Variants in MRPL42 observed in about 807,000 individuals in gnomAD.
MRPL42 encodes large ribosomal subunit protein mL42.
In MRPL42, 17 loss-of-function variants were observed where a neutral mutation model predicts 17.9. The observed-to-expected ratio is 0.95, with a 90% CI of 0.65 to 1.42. MRPL42 has a LOEUF of 1.42. MRPL42 is among the 40% of genes most tolerant of loss of function. The probability of loss-of-function intolerance (pLI) is 0.00; values close to 1 mark genes in which losing one functional copy is unlikely to be tolerated. For synonymous variants in MRPL42, 59 were observed against 54.4 expected (o/e 1.08, Z -0.37); for missense variants, 177 against 175.2 (o/e 1.01, Z -0.06).
At chr12:93,489,515 T>C (rs1438231082) in intron 5 of MRPL42, among the ~76,000 whole-genome samples, 3 of 121,744 alleles carry the variant, frequency 2.5e-5, no homozygotes, top group Non-Finnish European at 5.4e-5. Context: ...CCTTCCTTGA[T>C]TTTTCCTTCT....
At chr12:93,484,583 A>G (rs1419578166) in intron 4 of MRPL42, among the ~76,000 whole-genome samples, 1 of 151,802 alleles carries the variant, frequency 6.6e-6, no homozygotes, top group East Asian at 1.9e-4. Flanking sequence ...GTCCTTCATC[A>G]CTGTACATTG....
At chr12:93,483,882 A>G (rs145297935) in intron 4 of MRPL42, among the ~76,000 whole-genome samples, 92 of 152,300 alleles carry the variant, frequency 6.0e-4, no homozygotes, top group East Asian at 2.3e-3. Flanking sequence ...TTTTCTTTAT[A>G]TCCTTATTCT....
In MRPL42 at chr12:93,510,983, A is replaced by C. The variant is rs1953720548; in HGVS notation, c.*9762A>C. ...CTTTAACACCATGTTATGGATGGCA[A>C]AATAACTTCACTGGCTTTTTTTATC... On this transcript the variant is annotated 3_prime_UTR_variant, in exon 6 of 6. Coordinates refer to ENST00000549982, the MANE Select transcript of MRPL42 (RefSeq NM_014050.4). The C allele has an allele frequency of 6.6e-6, 1 of 152,200 alleles. No homozygotes were observed. The highest frequency in any genetic ancestry group is 2.4e-5 in the African/African-American group (1 of 41,444). The allele number at this position is 152,200 out of a possible 1,614,324, so 9.4% of individuals were successfully genotyped here. A position where few individuals can be genotyped will look rare whatever the true frequency, so the allele number is the denominator to read the frequency against.
chr12:93,496,299 T>C (rs925887650), intron 5 of MRPL42, among the ~76,000 whole-genome samples: 6 of 152,016 alleles, frequency 3.9e-5, no homozygotes, highest in South Asian at 2.1e-4. Flanking sequence ...CCTCAAGCGA[T>C]CCACCCACCT....
At chr12:93,490,236 T>C (rs1953387358) in intron 5 of MRPL42, among the ~76,000 whole-genome samples, 1 of 152,230 alleles carries the variant, frequency 6.6e-6, no homozygotes, top group Non-Finnish European at 1.5e-5. Context: ...CATGTTGTCT[T>C]TAGACATTTG....
intron 4 of MRPL42, among the ~76,000 whole-genome samples, chr12:93,482,554 C>A (rs1324985280): frequency 1.3e-5 from 2 of 152,026 alleles, no homozygotes; most frequent in Admixed American, 6.6e-5. Context: ...TGTTTTAGGG[C>A]TAAGAGACAT....
In MRPL42 at chr12:93,506,517, C is replaced by G. The variant is rs7315868; in HGVS notation, c.*5296C>G. 0.67 allele frequency: 101,932 copies of G among 151,848 alleles called. 34,447 individuals are homozygous for G. The highest frequency in any genetic ancestry group is 0.72 in the Middle Eastern group (213 of 296). The allele number at this position is 151,848 out of a possible 1,614,324, so 9.4% of individuals were successfully genotyped here. On this transcript the variant is annotated 3_prime_UTR_variant, in exon 6 of 6. Coordinates refer to ENST00000549982, the MANE Select transcript of MRPL42 (RefSeq NM_014050.4). Reference sequence around the variant, plus strand: ...TGACCTCAGGTGATCCACCTGCTTTCGCCTCCTGAAGTGCTGGGATTACAG... The same window carrying G: ...TGACCTCAGGTGATCCACCTGCTTTGGCCTCCTGAAGTGCTGGGATTACAG...
intron 1 of MRPL42, among the ~76,000 whole-genome samples, chr12:93,467,979 C>T (rs906858320): frequency 3.3e-4 from 50 of 152,146 alleles, no homozygotes; most frequent in African/African-American, 1.2e-3. Flanking sequence ...GGGCTTCGGA[C>T]AGAGGGGACC....
chr12:93,475,147 C>CA (rs1480412199), intron 2 of MRPL42, among the ~76,000 whole-genome samples: 3 of 151,574 alleles, frequency 2.0e-5, no homozygotes, highest in Non-Finnish European at 4.4e-5. Context: ...GATGAAGTCT[C>CA]ACTCTCGCCC....
chr12:93,472,956 G>A (rs1041428084), intron 2 of MRPL42, among the ~76,000 whole-genome samples: 1 of 152,120 alleles, frequency 6.6e-6, no homozygotes, highest in African/African-American at 2.4e-5. Flanking sequence ...CCAAAATCTG[G>A]ATCTCCCACC....
At chr12:93,469,929 G>A (rs1879823232) in intron 2 of MRPL42, among the ~76,000 whole-genome samples, 1 of 151,912 alleles carries the variant, frequency 6.6e-6, no homozygotes, top group Non-Finnish European at 1.5e-5. Context: ...ACTGGTCAAG[G>A]GTAACTTTCT....
intron 4 of MRPL42, among the ~76,000 whole-genome samples, chr12:93,481,754 T>G (rs1880477021): frequency 6.6e-6 from 1 of 152,178 alleles, no homozygotes; most frequent in African/African-American, 2.4e-5. Flanking sequence ...CTTCCCAGTC[T>G]AAATTTTAAG....
chr12:93,488,433 T>G (rs1012912272), intron 5 of MRPL42: 1 of 395,908 alleles, frequency 2.5e-6, no homozygotes, highest in Non-Finnish European at 4.5e-6. Context: ...AATGAAATAG[T>G]ACTTCTTTTT....
intron 3 of MRPL42, among the ~76,000 whole-genome samples, chr12:93,477,270 A>G (rs900309605): frequency 4.6e-5 from 7 of 152,348 alleles, no homozygotes; most frequent in East Asian, 3.9e-4. Context: ...TAGAACTGCT[A>G]TCTTTTCTTC....
rs909924829 is a variant in MRPL42 at position 93,511,005 on chromosome 12, T to A, written c.*9784T>A. On this transcript the variant is annotated 3_prime_UTR_variant, in exon 6 of 6. Coordinates refer to ENST00000549982, the MANE Select transcript of MRPL42 (RefSeq NM_014050.4). ...GCAAAATAACTTCACTGGCTTTTTT[T>A]ATCAAGAAAAGACTTACCTTTTCTG... 2.0e-5 allele frequency: 3 copies of A among 152,210 alleles called. No homozygotes were observed. Among genetic ancestry groups the A allele is most frequent in the Non-Finnish European group, 2.9e-5 (2 of 68,044 alleles). The allele number at this position is 152,210 out of a possible 1,614,324, so 9.4% of individuals were successfully genotyped here. A position where few individuals can be genotyped will look rare whatever the true frequency, so the allele number is the denominator to read the frequency against.
In MRPL42 at chr12:93,501,671, T is replaced by G. The variant is rs11836170; in HGVS notation, c.*450T>G. The G allele has an allele frequency of 0.18, 27,209 of 152,280 alleles. 3,355 individuals carry two copies. The highest frequency in any genetic ancestry group is 0.35 in the African/African-American group (14,450 of 41,486). The allele number at this position is 152,280 out of a possible 1,614,324, so 9.4% of individuals were successfully genotyped here. ...GTAGGTTTATTGGGATGTAACCCTA[T>G]GATAAGTTGAGAAACATCTCTTTTT... On this transcript the variant is annotated 3_prime_UTR_variant, in exon 6 of 6. Transcript: ENST00000549982.
rs984298332 is a variant in MRPL42, at chr12:93,510,978, T to C, written c.*9757T>C. ...TTTATCTTTAACACCATGTTATGGATGGCAAAATAACTTCACTGGCTTTTT... is the reference window on the plus strand; with the variant it reads ...TTTATCTTTAACACCATGTTATGGACGGCAAAATAACTTCACTGGCTTTTT... On this transcript the variant is annotated 3_prime_UTR_variant, in exon 6 of 6. Transcript: ENST00000549982. 2 of 152,204 alleles carry C rather than the reference T, an allele frequency of 1.3e-5. No individual in the cohort carries two copies. Among genetic ancestry groups the C allele is most frequent in the African/African-American group, 4.8e-5 (2 of 41,460 alleles). The allele number at this position is 152,204 out of a possible 1,614,324, so 9.4% of individuals were successfully genotyped here. A position where few individuals can be genotyped will look rare whatever the true frequency, so the allele number is the denominator to read the frequency against.
At chr12:93,494,433 A>T (rs911197427) in intron 5 of MRPL42, among the ~76,000 whole-genome samples, 8 of 152,218 alleles carry the variant, frequency 5.3e-5, no homozygotes, top group African/African-American at 1.9e-4. Flanking sequence ...CTAATAGACC[A>T]GATGTTGGGT....
intron 4 of MRPL42, among the ~76,000 whole-genome samples, chr12:93,482,157 CAG>C (rs1395889882): frequency 6.6e-6 from 1 of 152,214 alleles, no homozygotes; most frequent in Non-Finnish European, 1.5e-5. Flanking sequence ...GCTCTCCACT[CAG>C]AGCTTTTGTA....
Sources: gnomAD v4.1 joint callset for allele counts (sites outside exome capture counted in the v4.1 genomes callset) on GRCh38, gnomAD v4.1.1 for gene constraint, MANE v1.5 for transcripts, NCBI Gene and HGNC (gene_info 2026-07-23, HGNC 2026-07-21) for gene names.